DOCK6: variants seen among roughly 807,000 people sequenced by gnomAD.
DOCK6 encodes dedicator of cytokinesis protein 6.
A neutral mutation model predicts 230.3 loss-of-function variants in DOCK6; 167 were observed. The ratio of observed to expected loss-of-function variants is 0.73; its 90% CI spans 0.64 to 0.82. The LOEUF (loss-of-function observed/expected upper bound fraction) is 0.82, where lower values mean the gene tolerates loss of function less well. Ranked by LOEUF, DOCK6 falls within the 40% of genes least tolerant of loss-of-function variation. The pLI, the probability that DOCK6 is intolerant of heterozygous loss-of-function variation, is 0.00. For synonymous variants in DOCK6, 1,148 were observed against 1,185.0 expected, an observed-to-expected ratio of 0.97 and a Z score of 0.64; for missense variants, 2,598 against 2,825.8, an observed-to-expected ratio of 0.92 and a Z score of 1.83.
intron 39 of DOCK6, among the ~76,000 whole-genome samples, chr19:11,206,938 G>A (rs536303187): frequency 6.6e-5 from 10 of 151,658 alleles, no homozygotes; most frequent in South Asian, 2.1e-4. Context: ...TCCGCCTCCC[G>A]GGTTCAAGCG....
Position 11,222,759 on chromosome 19 carries a change from G to C in DOCK6, c.3216C>G (p.Pro1072=), listed in dbSNP as rs536185051. The stretch of plus-strand genomic sequence containing the variant: ...CCTGGGAGGTGGTGGAGGACACAGA[G>C]GGGGAGGGCGAGGCTGGAGGTGACA... ...CPLSPPASPS[P]SVSSTTSQSS... Residue 1072 remains proline, a synonymous_variant, in exon 26 of 48, where the codon CCC becomes CCG. Coordinates refer to ENST00000294618, the MANE Select transcript of DOCK6 (RefSeq NM_020812.4). This position sits in a 1 kb window ranked among gnomAD's most constrained non-coding sequence, Gnocchi z 4.0. 6.3e-7 allele frequency: 1 copy of C among 1,578,390 alleles called. No individual in the cohort carries two copies. Among genetic ancestry groups the C allele is most frequent in the Admixed American group, 1.9e-5 (1 of 53,406 alleles).
chr19:11,233,086 C>G (rs371440292), intron 22 of DOCK6, 117 bp downstream of exon 22: 1 of 1,367,444 alleles, frequency 7.3e-7, no homozygotes, highest in African/African-American at 1.4e-5. Context: ...CAGAGTGACG[C>G]CTTCATTCAC....
At position 11,217,086 on chromosome 19, in the gene DOCK6, G is replaced by T; in HGVS notation, c.3722C>A (p.Ala1241Glu). Residue 1241 changes from alanine (A) to glutamate (E), a missense_variant, in exon 30 of 48, where the codon GCA becomes GAA. Ala to Glu is a moderately radical substitution (Grantham distance 107, BLOSUM62 -1). Coordinates refer to ENST00000294618, the MANE Select transcript of DOCK6 (RefSeq NM_020812.4). ...ISQGPPTASRAGCALSAESSR... is the reference protein window; with the variant it reads ...ISQGPPTASREGCALSAESSR... Reference sequence around the variant, plus strand: ...TGACTCAGCAGAGAGGGCACAGCCTGCGCGAGAAGCCTGGGGCCAGAGAGG... The same window carrying T: ...TGACTCAGCAGAGAGGGCACAGCCTTCGCGAGAAGCCTGGGGCCAGAGAGG... The T allele has an allele frequency of 6.2e-7, 1 of 1,611,834 alleles. No individual in the cohort carries two copies. Among genetic ancestry groups the T allele is most frequent in the South Asian group, 1.1e-5 (1 of 90,970 alleles).
chr19:11,202,599 GATCTCTGCCAGCTTCGTGATCGAT>G lies in DOCK6; in HGVS notation c.5322_5345del (p.Ile1776_Ser1783del). ...AAGGACGTGCCTCCAGCCGGTGTGAGATCTCTGCCAGCTTCGTGATCGATGGCTCCTTGTACACAAACTCCTGCT... is the reference window on the plus strand; with the variant it reads ...AAGGACGTGCCTCCAGCCGGTGTGAGGGCTCCTTGTACACAAACTCCTGCT... On this transcript the variant is annotated inframe_deletion, in exon 42 of 48. Coordinates refer to ENST00000294618, the MANE Select transcript of DOCK6 (RefSeq NM_020812.4). This position sits in a 1 kb window ranked among gnomAD's most constrained non-coding sequence, Gnocchi z 5.3. 1 of 1,614,002 alleles carries G rather than the reference GATCTCTGCCAGCTTCGTGATCGAT, an allele frequency of 6.2e-7. No individual in the cohort carries two copies. The highest frequency in any genetic ancestry group is 8.5e-7 in the Non-Finnish European group (1 of 1,179,900).
chr19:11,219,484 G>A (rs890674980), intron 28 of DOCK6, among the ~76,000 whole-genome samples: 17 of 150,850 alleles, frequency 1.1e-4, no homozygotes, highest in Non-Finnish European at 7.4e-5. Context: ...CACTGCACCC[G>A]GCTTAAAAAA....
At position 11,214,335 on chromosome 19, in the gene DOCK6, A is replaced by C. The variant is rs1415658873; in HGVS notation, c.4278T>G (p.Ser1426Arg). ...VLKVVLYSLG[S>R]AQSALFLQHG... ...GCTGCAAGAAGAGGGCACTCTGGGC[A>C]CTGCCCAGGCTGTACAGCACAACCT... The change falls in exon 34 of 48, where the codon AGT (serine) becomes AGG (arginine). Residue 1426 changes from serine to arginine, a missense_variant. Ser to Arg is a moderately radical substitution (Grantham distance 110, BLOSUM62 -1). Transcript: ENST00000294618. 2 of 1,613,562 alleles carry C rather than the reference A, an allele frequency of 1.2e-6. No individual in the cohort carries two copies. The highest frequency in any genetic ancestry group is 4.5e-5 in the East Asian group (2 of 44,838).
In DOCK6 at chr19:11,215,616, CAG is replaced by C. The variant is rs1254382530; in HGVS notation, c.4022-147_4022-146del. On this transcript the variant is annotated intron_variant, in intron 31 of 47. Coordinates refer to ENST00000294618, the MANE Select transcript of DOCK6 (RefSeq NM_020812.4). ...AGCAGAAGCCTGCCGGGTGGACGCACAGGGGCAAACACGAGTGACAGATGGGG... is the reference window on the plus strand; with the variant it reads ...AGCAGAAGCCTGCCGGGTGGACGCACGGGCAAACACGAGTGACAGATGGGG... 1.0e-5 allele frequency: 13 copies of C among 1,288,276 alleles called. No homozygotes were observed. In the South Asian group the frequency reaches 1.1e-4, roughly 11 times the overall value. 79.8% of individuals were successfully genotyped at this position (1,288,276 alleles called of 1,614,324 possible). A position where few individuals can be genotyped will look rare whatever the true frequency, so the allele number is the denominator to read the frequency against.
intron 14 of DOCK6, chr19:11,240,077 C>G: frequency 6.5e-7 from 1 of 1,549,632 alleles, no homozygotes. Context: ...CAGGCAAGTC[C>G]TTAGGTACAC....
intron 37 of DOCK6, among the ~76,000 whole-genome samples, chr19:11,210,526 C>G (rs1051407554): frequency 2.9e-5 from 4 of 139,472 alleles, no homozygotes; most frequent in African/African-American, 1.1e-4. Flanking sequence ...ACCTGTCCAT[C>G]CCTTCACCTG....
intron 28 of DOCK6, chr19:11,221,610 C>G: frequency 1.8e-6 from 1 of 554,492 alleles, no homozygotes; most frequent in Non-Finnish European, 3.2e-6. Flanking sequence ...TACTACAGCC[C>G]CCCACATTTT....
intron 1 of DOCK6, among the ~76,000 whole-genome samples, chr19:11,261,070 CCCT>C (rs2080279795): frequency 6.6e-6 from 1 of 151,936 alleles, no homozygotes; most frequent in Non-Finnish European, 1.5e-5. Context: ...CAAGTCTCAT[CCCT>C]CCTCTGCTGA....
chr19:11,226,258 C>T (rs1471974467), intron 24 of DOCK6, among the ~76,000 whole-genome samples: 4 of 152,178 alleles, frequency 2.6e-5, no homozygotes, highest in South Asian at 4.1e-4. Flanking sequence ...CCTTCTCAGT[C>T]GTGTGGTACA....
rs377336330 is a variant in DOCK6, at chr19:11,251,104, G to T, written c.508-18C>A. On this transcript the variant is annotated intron_variant, in intron 5 of 47. Coordinates refer to ENST00000294618, the MANE Select transcript of DOCK6 (RefSeq NM_020812.4). ...GAGTCATTCTGCCAGTGGAGAATGT[G>T]CAAGCACTGAGTGCCAGCTGTATAC... 1 of 1,599,396 alleles carries T rather than the reference G, an allele frequency of 6.3e-7. No homozygotes were observed. The highest frequency in any genetic ancestry group is 1.3e-5 in the African/African-American group (1 of 74,806).
intron 1 of DOCK6, among the ~76,000 whole-genome samples, chr19:11,259,266 G>A (rs2080244915): frequency 6.6e-6 from 1 of 152,080 alleles, no homozygotes; most frequent in Non-Finnish European, 1.5e-5. Flanking sequence ...TGCCCAGGCT[G>A]GTCTTGAACT....
intron 14 of DOCK6, chr19:11,239,730 G>T: frequency 6.2e-7 from 1 of 1,613,314 alleles, no homozygotes; most frequent in Non-Finnish European, 8.5e-7. Flanking sequence ...AACTGGCACA[G>T]CATGAGGAGC....
At position 11,200,409 on chromosome 19, in the gene DOCK6, G is replaced by T. The variant is rs1314983310; in HGVS notation, c.6000C>A (p.His2000Gln). The change falls in exon 47 of 48, where the codon CAC becomes CAA. Residue 2000 changes from histidine to glutamine, a missense_variant. Coordinates refer to ENST00000294618, the MANE Select transcript of DOCK6 (RefSeq NM_020812.4). This position sits in a 1 kb window ranked among gnomAD's most constrained non-coding sequence, Gnocchi z 4.3. ...ALIGPDQKEY[H>Q]RELERNYCRL... ...GGCAGTAGTTGCGCTCCAGCTCACG[G>T]TGGTACTCCTTCTGGTCCGGCCCAA... The T allele has an allele frequency of 2.5e-6, 4 of 1,610,394 alleles. No homozygotes were observed. In the East Asian group the frequency reaches 8.9e-5, roughly 36 times the overall value.
chr19:11,240,924 A>G (rs1326869372), intron 14 of DOCK6, among the ~76,000 whole-genome samples: 1 of 151,868 alleles, frequency 6.6e-6, no homozygotes, highest in Non-Finnish European at 1.5e-5. Flanking sequence ...CCCAGTAAGT[A>G]CCCAGCACTG....
Position 11,202,592 on chromosome 19 carries a change from G to C in DOCK6, c.5353C>G (p.Arg1785Gly), listed in dbSNP as rs374425435. 1.2e-6 allele frequency: 2 copies of C among 1,613,980 alleles called. No individual in the cohort carries two copies. Among genetic ancestry groups the C allele is most frequent in the East Asian group, 2.2e-5 (1 of 44,880 alleles). Residue 1785 changes from arginine to glycine, a missense_variant, in exon 42 of 48, where the codon CGG becomes GGG. Coordinates refer to ENST00000294618, the MANE Select transcript of DOCK6 (RefSeq NM_020812.4). This position sits in a 1 kb window ranked among gnomAD's most constrained non-coding sequence, Gnocchi z 5.3. ...SITKLAEISH[R>G]LEEFYTERFG... is the part of the protein sequence containing the mutation. The stretch of plus-strand genomic sequence containing the variant: ...CAACCACAAGGACGTGCCTCCAGCC[G>C]GTGTGAGATCTCTGCCAGCTTCGTG...
Position 11,252,268 on chromosome 19 carries a change from G to A in DOCK6, c.378-20C>T. On this transcript the variant is annotated intron_variant, in intron 4 of 47. Transcript: ENST00000294618. The stretch of plus-strand genomic sequence containing the variant: ...TGATACCTAGCAGGAAACGGGGCTG[G>A]GCAGGTAGGGAGGGCTGAGGGCCCC... 1 of 1,577,672 alleles carries A rather than the reference G, an allele frequency of 6.3e-7. No individual in the cohort carries two copies. The highest frequency in any genetic ancestry group is 1.2e-5 in the South Asian group (1 of 86,880).
Sources: gnomAD v4.1 joint callset for allele counts (sites outside exome capture counted in the v4.1 genomes callset) on GRCh38, gnomAD v4.1.1 for gene constraint, Gnocchi (gnomAD v3.1) non-coding constraint, MANE v1.5 for transcripts, NCBI Gene and HGNC (gene_info 2026-07-23, HGNC 2026-07-21) for gene names.